Variants in LRIG1 observed in about 807,000 individuals in gnomAD.
LRIG1 encodes leucine rich repeats and immunoglobulin like domains 1.
Under a neutral mutation model 99.2 loss-of-function variants are expected in LRIG1, and 48 were observed. The observed-to-expected ratio is 0.48, with a 90% CI of 0.38 to 0.62. The LOEUF (loss-of-function observed/expected upper bound fraction) is 0.62, where lower values mean the gene tolerates loss of function less well. Ranked by LOEUF, LRIG1 falls within the 20% of genes least tolerant of loss-of-function variation. The probability of loss-of-function intolerance (pLI) is 0.00; values close to 1 mark genes in which losing one functional copy is unlikely to be tolerated. For synonymous variants in LRIG1, 772 were observed against 596.1 expected, an observed-to-expected ratio of 1.29 and a Z score of -4.30; for missense variants, 1,646 against 1,434.4, an observed-to-expected ratio of 1.15 and a Z score of -2.38.
rs1575647496 is a variant in LRIG1 at position 66,386,307 on chromosome 3, G to A, written c.1469-6C>T. 6.2e-7 allele frequency: 1 copy of A among 1,612,622 alleles called. No individual in the cohort carries two copies. Among genetic ancestry groups the A allele is most frequent in the Middle Eastern group, 1.7e-4 (1 of 5,986 alleles). On this transcript the variant is annotated splice_polypyrimidine_tract_variant and splice_region_variant and intron_variant, in intron 12 of 18. Coordinates refer to ENST00000273261, the MANE Select transcript of LRIG1 (RefSeq NM_015541.3). ...CTGTGGCTTCAGGAAGTCATCTGGG[G>A]AGAGAAGGGTCAACTGTAAAGCGCT...
At chr3:66,399,170 G>C (rs1701966675) in intron 9 of LRIG1, 129 bp from the exon 10 acceptor site, 1 of 747,706 alleles carries the variant, frequency 1.3e-6, no homozygotes, top group Non-Finnish European at 2.3e-6. Flanking sequence ...GTCCAGTGAG[G>C]GGCAGGTGGA....
At chr3:66,456,145 A>C (rs143174843) in intron 2 of LRIG1, among the ~76,000 whole-genome samples, 1 of 152,352 alleles carries the variant, frequency 6.6e-6, no homozygotes, top group East Asian at 1.9e-4. Context: ...TAAGCATGTC[A>C]CTCAGCCTTG....
chr3:66,441,277 A>T (rs1190083898), intron 3 of LRIG1, among the ~76,000 whole-genome samples: 1 of 152,206 alleles, frequency 6.6e-6, no homozygotes, highest in Non-Finnish European at 1.5e-5. Context: ...TTTGAAAGGC[A>T]TCCAGGAAGT....
chr3:66,499,958 C>T (rs1206086509), intron 1 of LRIG1, among the ~76,000 whole-genome samples: 1 of 151,796 alleles, frequency 6.6e-6, no homozygotes, highest in Non-Finnish European at 1.5e-5. Flanking sequence ...CTCCAGACCC[C>T]ACGAGGCACG....
chr3:66,405,421 A>T (rs1427150868), intron 8 of LRIG1, 143 bp from the exon 9 acceptor site: 1 of 693,846 alleles, frequency 1.4e-6, no homozygotes, highest in East Asian at 2.7e-5. Flanking sequence ...GTGAAGAGAC[A>T]CGTGGCCCTG....
intron 5 of LRIG1, among the ~76,000 whole-genome samples, chr3:66,414,418 AAAT>A (rs144604186): frequency 0.019 from 2,892 of 151,386 alleles, 107 homozygotes; most frequent in African/African-American, 0.066. Flanking sequence ...ATAAATAAAT[AAAT>A]AATAATAATA....
intron 12 of LRIG1, 74 bp from the exon 13 acceptor site, chr3:66,386,375 C>A (rs892781882): frequency 3.9e-6 from 5 of 1,269,718 alleles, no homozygotes; most frequent in Non-Finnish European, 5.6e-6. Context: ...TTCATGCTAA[C>A]AGAAACTGAC....
At chr3:66,405,301 C>T (rs200570866) in intron 8 of LRIG1, 23 bp from the exon 9 acceptor site, 2 of 1,595,514 alleles carry the variant, frequency 1.3e-6, no homozygotes, top group Non-Finnish European at 1.7e-6. Flanking sequence ...CAGAAAGCAG[C>T]TCACCGAGCA....
intron 1 of LRIG1, among the ~76,000 whole-genome samples, chr3:66,482,828 A>C (rs1462335903): frequency 1.3e-5 from 2 of 152,228 alleles, no homozygotes; most frequent in African/African-American, 2.4e-5. Flanking sequence ...AGTCAGGGAA[A>C]ATATTCAAGA....
chr3:66,421,522 G>T (rs1400696818), intron 3 of LRIG1, among the ~76,000 whole-genome samples: 1 of 152,224 alleles, frequency 6.6e-6, no homozygotes, highest in Non-Finnish European at 1.5e-5. Context: ...GATGCAAGAC[G>T]TGGGTTCCCA....
At chr3:66,441,351 G>A (rs1703531852) in intron 3 of LRIG1, among the ~76,000 whole-genome samples, 1 of 152,214 alleles carries the variant, frequency 6.6e-6, no homozygotes, top group Admixed American at 6.5e-5. Flanking sequence ...CACTATCCGA[G>A]AATCTACTGG....
At chr3:66,443,369 G>GC (rs1703611300) in intron 3 of LRIG1, among the ~76,000 whole-genome samples, 1 of 147,900 alleles carries the variant, frequency 6.8e-6, no homozygotes, top group East Asian at 2.0e-4. Context: ...TGAGTGAGGG[G>GC]GTGTGTGTGT....
intron 3 of LRIG1, among the ~76,000 whole-genome samples, chr3:66,439,672 GT>G (rs571645990): frequency 6.6e-6 from 1 of 152,042 alleles, no homozygotes; most frequent in South Asian, 2.1e-4. Context: ...TATAAAGAGA[GT>G]TTTTTCCACC....
chr3:66,440,105 C>T (rs1402326633), intron 3 of LRIG1, among the ~76,000 whole-genome samples: 1 of 152,102 alleles, frequency 6.6e-6, no homozygotes, highest in Non-Finnish European at 1.5e-5. Flanking sequence ...AGAGGAGGAA[C>T]AATGCCTTTC....
chr3:66,417,514 A>C, intron 3 of LRIG1: 4 of 480,450 alleles, frequency 8.3e-6, no homozygotes, highest in Non-Finnish European at 1.5e-5. Context: ...CAAGGGCAAC[A>C]ACACAGCAGT....
At chr3:66,405,407 T>C (rs940127236) in intron 8 of LRIG1, 129 bp from the exon 9 acceptor site, 27 of 739,532 alleles carry the variant, frequency 3.7e-5, no homozygotes, top group East Asian at 3.5e-4. Flanking sequence ...AGCCGGGACG[T>C]AGGGTGAAGA....
chr3:66,432,781 C>T (rs561333639), intron 3 of LRIG1, among the ~76,000 whole-genome samples: 1 of 152,272 alleles, frequency 6.6e-6, no homozygotes, highest in Non-Finnish European at 1.5e-5. Flanking sequence ...CCATACCTCC[C>T]ACCTCTTCTC....
intron 17 of LRIG1, among the ~76,000 whole-genome samples, 154 bp downstream of exon 17, chr3:66,381,325 G>C (rs1701047357): frequency 1.3e-5 from 2 of 152,192 alleles, no homozygotes; most frequent in African/African-American, 4.8e-5. Context: ...CTGGAATTAA[G>C]AGAGCCAGGC....
At chr3:66,424,918 T>C (rs1237420348) in intron 3 of LRIG1, among the ~76,000 whole-genome samples, 1 of 152,236 alleles carries the variant, frequency 6.6e-6, no homozygotes, top group Non-Finnish European at 1.5e-5. Flanking sequence ...TGTGGACTAA[T>C]ATGAGTGTTC....
Sources: allele counts gnomAD v4.1 joint callset (sites outside exome capture counted in the v4.1 genomes callset), GRCh38; gene constraint gnomAD v4.1.1; transcripts MANE v1.5; gene names NCBI Gene and HGNC (gene_info 2026-07-23, HGNC 2026-07-21).